The following CHODL variants were observed in gnomAD, a reference collection of about 807,000 sequenced individuals.
CHODL encodes chondrolectin.
In CHODL, 29 loss-of-function variants were observed where a neutral mutation model predicts 34.5. The observed-to-expected ratio is 0.84, with a 90% CI of 0.63 to 1.15. The LOEUF is 1.15. Among genes scored for constraint, CHODL ranks in the 50% most tolerant of loss-of-function variants. The probability of loss-of-function intolerance (pLI) is 0.00; values close to 1 mark genes in which losing one functional copy is unlikely to be tolerated. For missense variants in CHODL, 332 were observed against 332.5 expected (o/e 1.00, Z 0.01); for synonymous variants, 125 against 116.1 (o/e 1.08, Z -0.49).
intron 1 of CHODL, among the ~76,000 whole-genome samples, chr21:17,967,487 CT>C (rs1168562651): frequency 6.6e-6 from 1 of 152,108 alleles, no homozygotes; most frequent in African/African-American, 2.4e-5. Flanking sequence ...TCCCTAAGAG[CT>C]TGGTTTTTCT....
In CHODL at chr21:18,260,276, T is replaced by C; in HGVS notation, c.624T>C (p.Val208=). 1 of 1,584,050 alleles carries C rather than the reference T, an allele frequency of 6.3e-7. No individual in the cohort carries two copies. The highest frequency in any genetic ancestry group is 8.6e-7 in the Non-Finnish European group (1 of 1,165,736). The part of the protein sequence containing the change: ...QPGDTHQNVV[V]TEAGIIPNLI... Reference sequence around the variant, plus strand: ...GAGACACCCATCAGAATGTGGTTGTTACTGAAGCAGGTAATTACTTCATGT... The same window carrying C: ...GAGACACCCATCAGAATGTGGTTGTCACTGAAGCAGGTAATTACTTCATGT... The change falls in exon 4 of 6, where the codon GTT becomes GTC. Residue 208 remains valine, a synonymous_variant. Coordinates refer to ENST00000299295, the MANE Select transcript of CHODL (RefSeq NM_024944.3).
chr21:17,935,913 A>C (rs2063315309), intron 1 of CHODL, among the ~76,000 whole-genome samples: 1 of 152,194 alleles, frequency 6.6e-6, no homozygotes, highest in Non-Finnish European at 1.5e-5. Flanking sequence ...ATAAAAAGTG[A>C]TGAGTGCCAC....
intron 2 of CHODL, among the ~76,000 whole-genome samples, chr21:18,104,052 CTCTTT>C (rs984767073): frequency 6.6e-6 from 1 of 152,138 alleles, no homozygotes; most frequent in Admixed American, 6.6e-5. Flanking sequence ...TATTTCTCTC[CTCTTT>C]TATTTTTCAT....
intron 2 of CHODL, among the ~76,000 whole-genome samples, chr21:18,041,533 T>C (rs1189162338): frequency 6.6e-6 from 1 of 151,868 alleles, no homozygotes; most frequent in Admixed American, 6.6e-5. Context: ...GGTTACAGAT[T>C]TTTATAATAT....
At chr21:18,114,037 G>A (rs926550922) in intron 2 of CHODL, among the ~76,000 whole-genome samples, 1 of 152,138 alleles carries the variant, frequency 6.6e-6, no homozygotes, top group African/African-American at 2.4e-5. Context: ...AATAAGCCAG[G>A]CAGAGAAATA....
intron 1 of CHODL, among the ~76,000 whole-genome samples, chr21:18,002,870 TC>T (rs1409868306): frequency 6.6e-6 from 1 of 152,016 alleles, no homozygotes; most frequent in African/African-American, 2.4e-5. Context: ...ACGCCTGTAA[TC>T]CCAGCACTTT....
At chr21:17,929,246 A>T (rs1473288345) in intron 1 of CHODL, among the ~76,000 whole-genome samples, 1 of 152,224 alleles carries the variant, frequency 6.6e-6, no homozygotes, top group Admixed American at 6.5e-5. Context: ...TACTTTCATG[A>T]TGTGAATATC....
At chr21:18,249,324 A>G (rs376372683) in intron 1 of CHODL, among the ~76,000 whole-genome samples, 3 of 151,184 alleles carry the variant, frequency 2.0e-5, no homozygotes, top group African/African-American at 7.3e-5. Flanking sequence ...CAGGATGACA[A>G]CTTGGCTAAA....
chr21:18,022,492 C>T (rs1209783949), intron 1 of CHODL: 2 of 152,152 alleles, frequency 1.3e-5, no homozygotes, highest in Non-Finnish European at 2.9e-5. Flanking sequence ...AGGCTCCAGG[C>T]ATTTGATGTA....
At chr21:18,100,272 G>T (rs912423573) in intron 2 of CHODL, among the ~76,000 whole-genome samples, 2 of 152,012 alleles carry the variant, frequency 1.3e-5, no homozygotes, top group Non-Finnish European at 2.9e-5. Context: ...AATAGTAAAG[G>T]TCCTGATAAT....
intron 2 of CHODL, among the ~76,000 whole-genome samples, chr21:18,186,378 C>T (rs2073441459): frequency 6.6e-6 from 1 of 150,960 alleles, no homozygotes; most frequent in African/African-American, 2.4e-5. Context: ...AAAGAAGTTG[C>T]TCCTTAGGGA....
intron 2 of CHODL, among the ~76,000 whole-genome samples, chr21:18,152,785 A>C (rs573871229): frequency 3.3e-5 from 5 of 152,314 alleles, no homozygotes; most frequent in Non-Finnish European, 7.3e-5. Flanking sequence ...GGGAGTGGGG[A>C]TCTTCTGGAC....
At chr21:18,142,435 C>T (rs1348866787) in intron 2 of CHODL, among the ~76,000 whole-genome samples, 1 of 152,096 alleles carries the variant, frequency 6.6e-6, no homozygotes, top group Non-Finnish European at 1.5e-5. Context: ...GTATTTTCTA[C>T]AGTGTTAGTT....
intron 1 of CHODL, among the ~76,000 whole-genome samples, chr21:17,985,114 A>C (rs1156292640): frequency 6.6e-6 from 1 of 152,142 alleles, no homozygotes; most frequent in East Asian, 1.9e-4. Context: ...GATTGCATTA[A>C]GTTTATAGAT....
intron 2 of CHODL, among the ~76,000 whole-genome samples, chr21:18,189,469 C>G (rs2073485098): frequency 6.6e-6 from 1 of 152,034 alleles, no homozygotes; most frequent in Non-Finnish European, 1.5e-5. Context: ...TTAACTTAGT[C>G]TAGTCTCAAC....
chr21:18,138,635 T>C (rs2072766142), intron 2 of CHODL, among the ~76,000 whole-genome samples: 1 of 152,190 alleles, frequency 6.6e-6, no homozygotes, highest in Non-Finnish European at 1.5e-5. Context: ...ATTTCACGGA[T>C]TGTAAAGTGA....
chr21:17,989,342 G>C (rs2063779192), intron 1 of CHODL, among the ~76,000 whole-genome samples: 1 of 152,110 alleles, frequency 6.6e-6, no homozygotes. Flanking sequence ...TGTTGATAAA[G>C]AGGACATTAA....
intron 2 of CHODL, among the ~76,000 whole-genome samples, chr21:18,112,224 T>C (rs1427506467): frequency 6.6e-6 from 1 of 151,992 alleles, no homozygotes; most frequent in African/African-American, 2.4e-5. Context: ...TAAGGCTTTA[T>C]AAAAAAGTGA....
chr21:18,241,481 A>G (rs1313779951), upstream of CHODL, among the ~76,000 whole-genome samples: 1 of 152,202 alleles, frequency 6.6e-6, no homozygotes, highest in Admixed American at 6.5e-5. Flanking sequence ...AATTTTAAAC[A>G]TTGTAACAAA....
Sources: allele counts gnomAD v4.1 joint callset (sites outside exome capture counted in the v4.1 genomes callset), GRCh38; gene constraint gnomAD v4.1.1; transcripts MANE v1.5; gene names NCBI Gene and HGNC (gene_info 2026-07-23, HGNC 2026-07-21).